The following SNTG2 variants were observed in gnomAD, a reference collection of about 807,000 sequenced individuals.
The protein encoded by SNTG2 is gamma-2-syntrophin.
A neutral mutation model predicts 70.9 loss-of-function variants in SNTG2; 74 were observed. That is an observed-to-expected ratio of 1.04 (90% CI 0.86 to 1.27). SNTG2 has a LOEUF of 1.27. SNTG2 is among the 50% of genes most tolerant of loss of function. The pLI, the probability that SNTG2 is intolerant of heterozygous loss-of-function variation, is 0.00. For synonymous variants in SNTG2, 278 were observed against 273.8 expected (o/e 1.02, Z -0.15); for missense variants, 717 against 690.7 (o/e 1.04, Z -0.43).
At chr2:1,341,531 A>G (rs981823210) in intron 16 of SNTG2, 3 of 152,294 alleles carry the variant, frequency 2.0e-5, no homozygotes, top group African/African-American at 7.2e-5. Flanking sequence ...TGCCCTCAGA[A>G]GAACAGGGGG....
intron 8 of SNTG2, among the ~76,000 whole-genome samples, chr2:1,174,840 T>C (rs914280670): frequency 1.3e-5 from 2 of 152,250 alleles, no homozygotes; most frequent in Non-Finnish European, 2.9e-5. Flanking sequence ...TGTGAAATGC[T>C]GTTTATCTCT....
At chr2:1,346,782 C>T (rs1408080024) in intron 16 of SNTG2, among the ~76,000 whole-genome samples, 2 of 152,070 alleles carry the variant, frequency 1.3e-5, no homozygotes, top group African/African-American at 4.8e-5. Context: ...GGAGGGTGTG[C>T]ACTGCTTCAG....
chr2:1,351,993 G>T (rs75051727), intron 16 of SNTG2, among the ~76,000 whole-genome samples: 1 of 152,080 alleles, frequency 6.6e-6, no homozygotes, highest in Non-Finnish European at 1.5e-5. Flanking sequence ...GACATGGTTC[G>T]GTGTCTTCCA....
At chr2:1,080,607 A>G (rs560846642) in intron 1 of SNTG2, among the ~76,000 whole-genome samples, 48 of 128,228 alleles carry the variant, frequency 3.7e-4, no homozygotes, top group African/African-American at 1.4e-3. Context: ...CATGTAGGCC[A>G]TGTGTGTTGC....
At chr2:993,472 T>C (rs1485301081) in intron 1 of SNTG2, among the ~76,000 whole-genome samples, 3 of 152,188 alleles carry the variant, frequency 2.0e-5, no homozygotes, top group Non-Finnish European at 2.9e-5. Flanking sequence ...TAAATATTTA[T>C]GTGATTTTGA....
chr2:981,953 CACACAGATGT>C (rs1344946394), intron 1 of SNTG2, among the ~76,000 whole-genome samples: 2 of 152,226 alleles, frequency 1.3e-5, no homozygotes, highest in African/African-American at 4.8e-5. Flanking sequence ...CACACATGTC[CACACAGATGT>C]ACACAGATGC....
chr2:1,307,223 T>C (rs1336302004), intron 14 of SNTG2, among the ~76,000 whole-genome samples: 1 of 148,792 alleles, frequency 6.7e-6, no homozygotes, highest in African/African-American at 2.5e-5. Context: ...TGTCTGTATG[T>C]CTGTGTCTGT....
chr2:1,137,579 T>C, intron 4 of SNTG2, 43 bp from the exon 5 acceptor site: 1 of 1,600,176 alleles, frequency 6.2e-7, no homozygotes, highest in Non-Finnish European at 8.5e-7. Flanking sequence ...AGCATGTCAC[T>C]GAGATTTCTC....
At position 1,222,139 on chromosome 2, in the gene SNTG2, C is replaced by CTCTGTCTCTCTCTG. The variant is rs1553362404; in HGVS notation, c.719+12912_719+12913insGTCTCTCTCTGTCT. On this transcript the variant is annotated intron_variant, in intron 9 of 16. Transcript: ENST00000308624. ...TGTCTCTCTCTGTCTCTCTCTGTCT[C>CTCTGTCTCTCTCTG]TCTCTGTCTCTGCCTATCTCTGTCT... Among the ~76,000 whole-genome samples the CTCTGTCTCTCTCTG allele has an allele frequency of 2.3e-4, 27 of 115,992 alleles. 2 individuals are homozygous for CTCTGTCTCTCTCTG. The highest frequency in any genetic ancestry group is 3.8e-4 in the Non-Finnish European group (19 of 50,176). The allele number at this position is 115,992 out of a possible 152,430, so 76.1% of individuals were successfully genotyped here.
chr2:1,231,567 G>A (rs1218215318), intron 9 of SNTG2, among the ~76,000 whole-genome samples: 1 of 152,166 alleles, frequency 6.6e-6, no homozygotes, highest in African/African-American at 2.4e-5. Flanking sequence ...CAGTGGAGAG[G>A]AAAATGATCA....
At chr2:1,128,440 G>T (rs1175543970) in intron 4 of SNTG2, among the ~76,000 whole-genome samples, 1 of 152,008 alleles carries the variant, frequency 6.6e-6, no homozygotes, top group East Asian at 1.9e-4. Flanking sequence ...TGTTATTATG[G>T]AAGTTTTCTT....
chr2:1,184,569 G>A (rs1037820979), intron 8 of SNTG2, among the ~76,000 whole-genome samples: 1 of 152,134 alleles, frequency 6.6e-6, no homozygotes, highest in Non-Finnish European at 1.5e-5. Context: ...TTACAATCAT[G>A]GTAGAAAGTG....
rs898625625 is a variant in SNTG2 at position 1,131,560 on chromosome 2, CA to C, written c.326-6061del. On this transcript the variant is annotated intron_variant, in intron 4 of 16. Coordinates refer to ENST00000308624, the MANE Select transcript of SNTG2 (RefSeq NM_018968.4). ...ATTCATTTCCCTCAGTGTAAAGTTTCAGAGAAAATGCAGAAACTCTCCTGTT... is the reference window on the plus strand; with the variant it reads ...ATTCATTTCCCTCAGTGTAAAGTTTCGAGAAAATGCAGAAACTCTCCTGTT... Among the ~76,000 whole-genome samples the C allele has an allele frequency of 5.0e-3, 754 of 152,264 alleles. 6 individuals carry two copies. The highest frequency in any genetic ancestry group is 0.017 in the African/African-American group (715 of 41,554).
rs182027182 is a variant in SNTG2, at chr2:968,893, G to A, written c.72+17825G>A. On this transcript the variant is annotated intron_variant, in intron 1 of 16. Transcript: ENST00000308624. The stretch of plus-strand genomic sequence containing the variant: ...GTTTAATTAGGTCCTATTTGTCAAT[G>A]TTTGGTTTTGTTCCAATTGCTTTTG... Among the ~76,000 whole-genome samples, 663 of 152,128 alleles carry A rather than the reference G, an allele frequency of 4.4e-3. 8 individuals carry two copies. Among genetic ancestry groups the A allele is most frequent in the African/African-American group, 0.013 (556 of 41,522 alleles).
At chr2:1,273,195 C>T (rs1276229495) in intron 14 of SNTG2, among the ~76,000 whole-genome samples, 2 of 152,196 alleles carry the variant, frequency 1.3e-5, no homozygotes, top group Admixed American at 1.3e-4. Flanking sequence ...GAGCATTCTC[C>T]CTAATGGGCC....
chr2:1,075,642 C>T (rs1467642533), intron 1 of SNTG2, among the ~76,000 whole-genome samples: 2 of 152,090 alleles, frequency 1.3e-5, no homozygotes, highest in Non-Finnish European at 2.9e-5. Context: ...TGGTTTATAT[C>T]TAAAACTAGG....
At chr2:1,035,272 A>G (rs761890550) in intron 1 of SNTG2, among the ~76,000 whole-genome samples, 5 of 152,160 alleles carry the variant, frequency 3.3e-5, no homozygotes, top group Non-Finnish European at 7.4e-5. Context: ...TGAGTGTCTG[A>G]GGCTCTTCTC....
Position 1,045,549 on chromosome 2 carries a change from A to T in SNTG2, c.73-37969A>T, listed in dbSNP as rs113475668. Among the ~76,000 whole-genome samples, 46 of 152,174 alleles carry T rather than the reference A, an allele frequency of 3.0e-4. 1 individual carries two copies. Among genetic ancestry groups the T allele is most frequent in the African/African-American group, 1.1e-3 (46 of 41,526 alleles). ...TGAGCTTTCCTCTTCACACTGCTTT[A>T]GCTTTGTCCCTGATTCTAGTATGTT... On this transcript the variant is annotated intron_variant, in intron 1 of 16. Transcript: ENST00000308624.
At chr2:1,189,168 TAATAAA>T (rs1301038144) in intron 8 of SNTG2, among the ~76,000 whole-genome samples, 1 of 152,080 alleles carries the variant, frequency 6.6e-6, no homozygotes, top group Non-Finnish European at 1.5e-5. Flanking sequence ...ATAGAAAGCG[TAATAAA>T]AATATGTTAA....
Sources: allele counts gnomAD v4.1 joint callset (sites outside exome capture counted in the v4.1 genomes callset), GRCh38; gene constraint gnomAD v4.1.1; transcripts MANE v1.5; gene names NCBI Gene and HGNC (gene_info 2026-07-23, HGNC 2026-07-21).